Variants in SETD1B observed in about 807,000 individuals in gnomAD.
SETD1B encodes the protein SET domain containing 1B, histone lysine methyltransferase, also known as histone-lysine N-methyltransferase SETD1B.
Under a neutral mutation model 148.0 loss-of-function variants are expected in SETD1B, and 7 were observed. The ratio of observed to expected loss-of-function variants is 0.05; its 90% CI spans 0.03 to 0.09. SETD1B has a LOEUF of 0.09. SETD1B is among the 10% of genes least tolerant of loss of function. The pLI, the probability that SETD1B is intolerant of heterozygous loss-of-function variation, is 1.00. For missense variants in SETD1B, 2,155 were observed against 2,729.9 expected (o/e 0.79, Z 4.69); for synonymous variants, 1,361 against 1,186.5 (o/e 1.15, Z -3.02).
At chr12:121,807,573 A>G (rs1431833198) in intron 4 of SETD1B, among the ~76,000 whole-genome samples, 1 of 151,922 alleles carries the variant, frequency 6.6e-6, no homozygotes, top group Non-Finnish European at 1.5e-5. Context: ...TCTTTTTTGC[A>G]TATGTAAGCA....
At chr12:121,797,290 A>G in the SETD1B span, 1 of 377,604 alleles carries the variant, frequency 2.6e-6, no homozygotes, top group Non-Finnish European at 5.2e-6. Context: ...AAGTCCTGCC[A>G]CCTCCTGGCC....
At chr12:121,799,603 G>A (rs1050352911), upstream of SETD1B, 2 of 152,144 alleles carry the variant, frequency 1.3e-5, no homozygotes, top group Non-Finnish European at 2.9e-5. Context: ...GGATCCTCTC[G>A]TATGCTGCTA....
chr12:121,822,837 G>A lies in SETD1B; in HGVS notation c.4258G>A (p.Gly1420Arg), dbSNP rs1016231911. Residue 1420 changes from glycine to arginine, a missense_variant, in exon 12 of 17, where the codon GGG becomes AGG. Coordinates refer to ENST00000604567, the MANE Select transcript of SETD1B (RefSeq NM_001353345.2). ...AGCCCCGTCCCCTAGCTTGAGCAGT[G>A]GGGGCCTCCCTCGGACACCTGGCCG... is the stretch of plus-strand genomic sequence containing the variant. Reference protein sequence around the residue: ...YPAPSPSLSSGGLPRTPGRDF... With the variant: ...YPAPSPSLSSRGLPRTPGRDF... 1.3e-6 allele frequency: 2 copies of A among 1,491,366 alleles called. No homozygotes were observed. Among genetic ancestry groups the A allele is most frequent in the East Asian group, 2.5e-5 (1 of 40,352 alleles). 92.4% of individuals were successfully genotyped at this position (1,491,366 alleles called of 1,614,324 possible).
rs376679676 is a variant in SETD1B at position 121,823,562 on chromosome 12, A to G, written c.4983A>G (p.Glu1661=). 543 of 1,550,790 alleles carry G rather than the reference A, an allele frequency of 3.5e-4. 5 individuals are homozygous for G. In the African/African-American group the frequency reaches 7.0e-3, roughly 20 times the overall value. Residue 1661 remains glutamate (E), a synonymous_variant, in exon 12 of 17, where the codon GAA becomes GAG. Transcript: ENST00000604567. ...TGGTGCCACCTGCGGGCTCGCCCGA[A>G]CTCTCGCCACCCCAGCCCCTCTTCC... The part of the protein sequence containing the change: ...EDLVPPAGSP[E]LSPPQPLFRP...
intron 13 of SETD1B, among the ~76,000 whole-genome samples, chr12:121,825,661 G>C (rs982177538): frequency 1.3e-5 from 2 of 151,816 alleles, no homozygotes; most frequent in Admixed American, 6.6e-5. Flanking sequence ...TTTTTTTAGG[G>C]GGGGACAAAG....
chr12:121,801,998 GTC>G (rs1434380413), upstream of SETD1B: 2 of 152,078 alleles, frequency 1.3e-5, no homozygotes, highest in African/African-American at 2.4e-5. Flanking sequence ...GACGGCTTTA[GTC>G]TCTCTACACA....
At chr12:121,824,503 C>T (rs780966224) in intron 12 of SETD1B, among the ~76,000 whole-genome samples, 22 of 152,060 alleles carry the variant, frequency 1.4e-4, no homozygotes, top group Non-Finnish European at 2.6e-4. Context: ...AAAAATTAGC[C>T]GGGTGTGGTA....
chr12:121,823,092 C>A lies in SETD1B; in HGVS notation c.4513C>A (p.Pro1505Thr). ...GCCCACCCCGCTGCCACCCCTGCTG[C>A]CCGCCCCCCTGGCCTCTTGCCCTCC... Reference protein sequence around the residue: ...RAPTPLPPLLPAPLASCPPPM... With the variant: ...RAPTPLPPLLTAPLASCPPPM... The change falls in exon 12 of 17, where the codon CCC becomes ACC. Residue 1505 changes from proline (P) to threonine (T), a missense_variant. Coordinates refer to ENST00000604567, the MANE Select transcript of SETD1B (RefSeq NM_001353345.2). 9.0e-7 allele frequency: 1 copy of A among 1,109,480 alleles called. No individual in the cohort carries two copies. Among genetic ancestry groups the A allele is most frequent in the South Asian group, 1.4e-5 (1 of 73,872 alleles). The allele number at this position is 1,109,480 out of a possible 1,614,324, so 68.7% of individuals were successfully genotyped here.
chr12:121,806,996 C>T (rs777201079), intron 4 of SETD1B, among the ~76,000 whole-genome samples: 2 of 152,192 alleles, frequency 1.3e-5, no homozygotes, highest in African/African-American at 2.4e-5. Flanking sequence ...CCTAGCCCAC[C>T]GGGGTCCCCT....
In SETD1B at chr12:121,822,869, C is replaced by T; in HGVS notation, c.4290C>T (p.Phe1430=). 3 of 1,487,834 alleles carry T rather than the reference C, an allele frequency of 2.0e-6. No individual in the cohort carries two copies. The highest frequency in any genetic ancestry group is 1.8e-6 in the Non-Finnish European group (2 of 1,113,310). 92.2% of individuals were successfully genotyped at this position (1,487,834 alleles called of 1,614,324 possible). Residue 1430 remains phenylalanine, a synonymous_variant, in exon 12 of 17, where the codon TTC becomes TTT. Coordinates refer to ENST00000604567, the MANE Select transcript of SETD1B (RefSeq NM_001353345.2). The part of the protein sequence containing the change: ...GGLPRTPGRD[F]SFTPTFSEPS... Reference sequence around the variant, plus strand: ...TCCCTCGGACACCTGGCCGGGACTTCAGCTTCACACCCACCTTCTCCGAGC... The same window carrying T: ...TCCCTCGGACACCTGGCCGGGACTTTAGCTTCACACCCACCTTCTCCGAGC...
intron 7 of SETD1B, among the ~76,000 whole-genome samples, chr12:121,816,145 CAT>C (rs1481866656): frequency 6.6e-6 from 1 of 152,022 alleles, no homozygotes; most frequent in Non-Finnish European, 1.5e-5. Flanking sequence ...TCCTTTTTAA[CAT>C]ATTATTTGCC....
Position 121,805,771 on chromosome 12 carries a change from G to A in SETD1B, c.274-64G>A, listed in dbSNP as rs1400690709. The A allele has an allele frequency of 2.1e-6, 3 of 1,444,212 alleles. No individual in the cohort carries two copies. Among genetic ancestry groups the A allele is most frequent in the African/African-American group, 1.4e-5 (1 of 70,676 alleles). 89.5% of individuals were successfully genotyped at this position (1,444,212 alleles called of 1,614,324 possible). ...GGCGAGTTGCGGGCGGGGCGGGGGG[G>A]ATGTTGTGTTTTCCCTTAGGTTTAA... On this transcript the variant is annotated intron_variant, in intron 3 of 16. Transcript: ENST00000604567. The surrounding 1 kb of genome is among the most constrained non-coding windows in gnomAD (Gnocchi z 4.2).
chr12:121,816,205 G>A (rs919908023), intron 7 of SETD1B, among the ~76,000 whole-genome samples: 1 of 152,072 alleles, frequency 6.6e-6, no homozygotes, highest in Non-Finnish European at 1.5e-5. Flanking sequence ...TTCTCCATAA[G>A]AGAGAACTTT....
chr12:121,810,722 C>G lies in SETD1B; in HGVS notation c.1777C>G (p.Arg593Gly). The G allele has an allele frequency of 5.8e-6, 9 of 1,551,254 alleles. No individual in the cohort carries two copies. Among genetic ancestry groups the G allele is most frequent in the Non-Finnish European group, 7.8e-6 (9 of 1,146,902 alleles). Residue 593 changes from arginine (R) to glycine (G), a missense_variant, in exon 6 of 17, where the codon CGG becomes GGG. Around this residue, in one of 11 missense-constraint regions of SETD1B, gnomAD observed 295 missense variants for 303.8 expected, o/e 0.97. Transcript: ENST00000604567. The surrounding 1 kb of genome is among the most constrained non-coding windows in gnomAD (Gnocchi z 7.6). ...GGAGCTCGACCTGGGCCTTGGGCCT[C>G]GGCCTCCACCTGAGCCAGGCCCCCC... ...DEELDLGLGP[R>G]PPPEPGPPDP...
At chr12:121,807,560 G>A (rs561356991) in intron 4 of SETD1B, among the ~76,000 whole-genome samples, 127 of 152,172 alleles carry the variant, frequency 8.3e-4, no homozygotes, top group Middle Eastern at 3.4e-3. Flanking sequence ...CTCCAGGAAC[G>A]TGTCTTTTTT....
In SETD1B at chr12:121,809,986, G is replaced by A. The variant is rs1312473889; in HGVS notation, c.1041G>A (p.Arg347=). Residue 347 remains arginine (R), a synonymous_variant, in exon 6 of 17, where the codon CGG becomes CGA. Coordinates refer to ENST00000604567, the MANE Select transcript of SETD1B (RefSeq NM_001353345.2). ...TGGCCGGGGCCACAGCCGCTTTCCG[G>A]GGTTCCTCGGACCTCCCGTTCGGAG... The part of the protein sequence containing the change: ...TAVAGATAAF[R]GSSDLPFGAV... 2.6e-6 allele frequency: 4 copies of A among 1,550,768 alleles called. No individual in the cohort carries two copies. The highest frequency in any genetic ancestry group is 3.9e-5 in the Admixed American group (2 of 50,998).
chr12:121,799,301 G>A (rs1433302169), upstream of SETD1B: 2 of 152,280 alleles, frequency 1.3e-5, no homozygotes, highest in African/African-American at 4.8e-5. Context: ...ATACAGGCCT[G>A]CCCATTCGGG....
chr12:121,802,515 G>T (rs1396908337), upstream of SETD1B: 1 of 152,064 alleles, frequency 6.6e-6, no homozygotes, highest in Non-Finnish European at 1.5e-5. Context: ...TTTAATAGAG[G>T]AAACTAGATA....
chr12:121,828,728 A>G lies in SETD1B; in HGVS notation c.5727+658A>G, dbSNP rs1017127681. ...CCTGACTTTGGGTTCAAGTCTTGGC[A>G]TTGCAGCTTAGTGAGTTACTTAATG... On this transcript the variant is annotated intron_variant, in intron 16 of 16. Coordinates refer to ENST00000604567, the MANE Select transcript of SETD1B (RefSeq NM_001353345.2). Among the ~76,000 whole-genome samples the G allele has an allele frequency of 7.9e-5, 12 of 152,224 alleles. No individual in the cohort carries two copies. The South Asian group carries it at 1.2e-3, about 16-fold the overall frequency.
Sources: gnomAD v4.1 joint callset for allele counts (sites outside exome capture counted in the v4.1 genomes callset) on GRCh38, gnomAD v4.1.1 for gene constraint, gnomAD v4.1.1 regional missense constraint, Gnocchi (gnomAD v3.1) non-coding constraint, MANE v1.5 for transcripts, NCBI Gene and HGNC (gene_info 2026-07-23, HGNC 2026-07-21) for gene names.